Variants in CHD8 observed in about 807,000 individuals in gnomAD.
CHD8 encodes ATP-dependent chromatin remodeler CHD8.
CHD8 carries 31 observed loss-of-function variants against 279.2 expected under a neutral mutation model. The ratio of observed to expected loss-of-function variants is 0.11; its 90% CI spans 0.08 to 0.15. CHD8 has a LOEUF of 0.15. CHD8 is among the 10% of genes least tolerant of loss of function. The pLI, the probability that CHD8 is intolerant of heterozygous loss-of-function variation, is 1.00. For missense variants in CHD8, 2,146 were observed against 3,230.5 expected (o/e 0.66, Z 8.14); for synonymous variants, 1,081 against 1,139.6 (o/e 0.95, Z 1.04).
chr14:21,385,657 T>C lies in CHD8; in HGVS notation c.7702A>G (p.Met2568Val), dbSNP rs1241383648. ...CTGGAGTCTGAGTTAGCTGGCATCA[T>C]AGGATCATCAATGAGTGAGAAGTCC... The part of the protein sequence containing the change: ...ERDFSLIDDP[M>V]MPANSDSSED... Residue 2568 changes from methionine to valine, a missense_variant, in exon 38 of 38, where the codon ATG (methionine) becomes GTG (valine). Physicochemically the swap from Met to Val is conservative, Grantham distance 21. Around this residue, in one of 26 missense-constraint regions of CHD8, gnomAD observed 336 missense variants for 392.9 expected, o/e 0.86. Coordinates refer to ENST00000646647, the MANE Select transcript of CHD8 (RefSeq NM_001170629.2). 3 of 1,551,940 alleles carry C rather than the reference T, an allele frequency of 1.9e-6. No individual in the cohort carries two copies. Among genetic ancestry groups the C allele is most frequent in the South Asian group, 1.2e-5 (1 of 84,050 alleles).
intron 32 of CHD8, 33 bp downstream of exon 32, chr14:21,393,443 G>C: frequency 6.6e-7 from 1 of 1,521,146 alleles, no homozygotes; most frequent in Non-Finnish European, 8.8e-7. Context: ...GGGAAATAGG[G>C]AAGGGGGCCA....
chr14:21,405,517 C>A lies in CHD8; in HGVS notation c.3052-53G>T. 1 of 1,575,162 alleles carries A rather than the reference C, an allele frequency of 6.3e-7. No individual in the cohort carries two copies. Among genetic ancestry groups the A allele is most frequent in the Non-Finnish European group, 8.6e-7 (1 of 1,161,706 alleles). On this transcript the variant is annotated intron_variant, in intron 15 of 37. Coordinates refer to ENST00000646647, the MANE Select transcript of CHD8 (RefSeq NM_001170629.2). This position sits in a 1 kb window ranked among gnomAD's most constrained non-coding sequence, Gnocchi z 4.2. ...AATCAATAAGATGAGGGCGAACATT[C>A]TCACATTATGTAGAAACATGGAAAA...
At chr14:21,426,009 C>T (rs2139526489) in intron 5 of CHD8, 119 bp downstream of exon 5, 1 of 645,534 alleles carries the variant, frequency 1.5e-6, no homozygotes, top group East Asian at 2.8e-5. Context: ...TAGGCCTACG[C>T]CCAGTTTAGA....
Position 21,403,695 on chromosome 14 carries a change from T to C in CHD8, c.3308-32A>G, listed in dbSNP as rs1888130355. The C allele has an allele frequency of 4.6e-6, 7 of 1,515,238 alleles. No individual in the cohort carries two copies. The highest frequency in any genetic ancestry group is 2.0e-5 in the Admixed American group (1 of 51,258). The allele number at this position is 1,515,238 out of a possible 1,614,324, so 93.9% of individuals were successfully genotyped here. A position where few individuals can be genotyped will look rare whatever the true frequency, so the allele number is the denominator to read the frequency against. On this transcript the variant is annotated intron_variant, in intron 16 of 37. Coordinates refer to ENST00000646647, the MANE Select transcript of CHD8 (RefSeq NM_001170629.2). The surrounding 1 kb of genome is among the most constrained non-coding windows in gnomAD (Gnocchi z 4.3). ...AAAGAAAAATCAAATTATGTTGAGATCCAGTGAACCATATTAAGGTTGTAG... is the reference window on the plus strand; with the variant it reads ...AAAGAAAAATCAAATTATGTTGAGACCCAGTGAACCATATTAAGGTTGTAG...
chr14:21,399,764 T>C, intron 25 of CHD8, 59 bp from the exon 26 acceptor site: 1 of 1,225,180 alleles, frequency 8.2e-7, no homozygotes, highest in East Asian at 2.3e-5. Context: ...GTGAGAATCC[T>C]TGCAAAGGTT....
Position 21,428,099 on chromosome 14 carries a change from C to G in CHD8, c.1371G>C (p.Lys457Asn). 6.2e-7 allele frequency: 1 copy of G among 1,614,030 alleles called. No individual in the cohort carries two copies. ...CTACAATCCGATTTGCTTTCTCTTGCTTCTTCTGGTGTTCCAATCTGCGGT... is the reference window on the plus strand; with the variant it reads ...CTACAATCCGATTTGCTTTCTCTTGGTTCTTCTGGTGTTCCAATCTGCGGT... ...EENRRLEHQK[K>N]QEKANRIVAE... The change falls in exon 4 of 38, where the codon AAG (lysine) becomes AAC (asparagine). Residue 457 changes from lysine to asparagine, a missense_variant. Around this residue, in one of 26 missense-constraint regions of CHD8, gnomAD observed 170 missense variants for 189.9 expected, o/e 0.90. Transcript: ENST00000646647.
chr14:21,399,797 C>T (rs1887951591), intron 25 of CHD8, 92 bp from the exon 26 acceptor site: 1 of 1,020,926 alleles, frequency 9.8e-7, no homozygotes, highest in South Asian at 1.3e-5. Context: ...TTCCTGTATC[C>T]ATTAATTTAA....
chr14:21,412,863 A>T, intron 10 of CHD8, 50 bp downstream of exon 10: 1 of 1,153,988 alleles, frequency 8.7e-7, no homozygotes, highest in Non-Finnish European at 1.3e-6. Flanking sequence ...CAAACCCACC[A>T]GCAGAAATCT....
chr14:21,434,039 CTT>C (rs57822562), intron 1 of CHD8, among the ~76,000 whole-genome samples: 5 of 115,874 alleles, frequency 4.3e-5, no homozygotes, highest in African/African-American at 6.2e-5. Flanking sequence ...GTGAAAGTTT[CTT>C]TTTTTTTTTT....
In CHD8 at chr14:21,391,636, C is replaced by T; in HGVS notation, c.6892G>A (p.Val2298Met). Residue 2298 changes from valine to methionine, a missense_variant, in exon 36 of 38, where the codon GTG becomes ATG. Transcript: ENST00000646647. ...TGATTAGGCTCTTCCATGCACTCCA[C>T]CTCCAGCTGCAAACCCAGAATCCAC... ...GNRKKLVELE[V>M]ECMEEPNHLD... 6.3e-7 allele frequency: 1 copy of T among 1,590,238 alleles called. No individual in the cohort carries two copies. The highest frequency in any genetic ancestry group is 8.6e-7 in the Non-Finnish European group (1 of 1,167,968).
chr14:21,438,528 A>AG lies in CHD8; in HGVS notation c.-215-6671_-215-6670insC, dbSNP rs1555319599. The stretch of plus-strand genomic sequence containing the variant: ...CTAGTCTCTTAAAAAAAAAAAAAAA[A>AG]AAAGAAAGAAAGAAAAAAGAAAGAT... On this transcript the variant is annotated intron_variant, in intron 1 of 37. Transcript: ENST00000646647. Among the ~76,000 whole-genome samples, 60 of 150,206 alleles carry AG rather than the reference A, an allele frequency of 4.0e-4. 1 individual carries two copies. Among genetic ancestry groups the AG allele is most frequent in the African/African-American group, 1.4e-3 (57 of 40,718 alleles).
rs1030656559 is a variant in CHD8, at chr14:21,414,744, T to A, written c.2024+194A>T. 27 of 630,488 alleles carry A rather than the reference T, an allele frequency of 4.3e-5. No homozygotes were observed. In the East Asian group the frequency reaches 7.4e-4, roughly 17 times the overall value. The allele number at this position is 630,488 out of a possible 1,614,324, so 39.1% of individuals were successfully genotyped here. A position where few individuals can be genotyped will look rare whatever the true frequency, so the allele number is the denominator to read the frequency against. On this transcript the variant is annotated intron_variant, in intron 8 of 37. Coordinates refer to ENST00000646647, the MANE Select transcript of CHD8 (RefSeq NM_001170629.2). The stretch of plus-strand genomic sequence containing the variant: ...TTATCAGGAACCACCCTCACCCCAC[T>A]TACCTACAAGGAAATAATAAGAGTC...
At chr14:21,397,986 AGATTT>A in intron 26 of CHD8, 34 bp from the exon 27 acceptor site, 1 of 1,578,006 alleles carries the variant, frequency 6.3e-7, no homozygotes, top group African/African-American at 1.3e-5. Flanking sequence ...GAAGAAAATG[AGATTT>A]GTTTTGCCTT....
Position 21,391,061 on chromosome 14 carries a change from A to G in CHD8, c.7068T>C (p.Tyr2356=). The change falls in exon 37 of 38, where the codon TAT becomes TAC. Residue 2356 remains tyrosine, a splice_region_variant and synonymous_variant. Coordinates refer to ENST00000646647, the MANE Select transcript of CHD8 (RefSeq NM_001170629.2). ...EFAVDPRFLA[Y]MEDRRKQKWQ... is the part of the protein sequence containing the mutation. ...ACTTCTGTTTTCTGCGATCCTCCAT[A>G]TACTGCAATAGAAAAAATCAGTTAT... The G allele has an allele frequency of 6.5e-7, 1 of 1,546,408 alleles. No homozygotes were observed. The highest frequency in any genetic ancestry group is 1.9e-5 in the Admixed American group (1 of 53,204).
chr14:21,446,237 C>T (rs1010540376), intron 1 of CHD8, among the ~76,000 whole-genome samples: 20 of 151,808 alleles, frequency 1.3e-4, no homozygotes, highest in Non-Finnish European at 5.9e-5. Context: ...CTAGTAACAG[C>T]TAAAATTGCT....
At chr14:21,386,323 T>G in intron 37 of CHD8, 147 bp from the exon 38 acceptor site, 2 of 679,022 alleles carry the variant, frequency 2.9e-6, no homozygotes, top group Admixed American at 2.9e-5. Context: ...TAGGCTTGAT[T>G]GGTGGTAATG....
intron 13 of CHD8, among the ~76,000 whole-genome samples, chr14:21,407,348 C>T (rs567600681): frequency 9.5e-4 from 144 of 152,172 alleles, no homozygotes; most frequent in African/African-American, 3.3e-3. Context: ...ATGAAATCCA[C>T]AACTGCTGGA....
At chr14:21,422,745 C>T (rs1014507719) in intron 5 of CHD8, among the ~76,000 whole-genome samples, 5 of 151,824 alleles carry the variant, frequency 3.3e-5, no homozygotes, top group African/African-American at 2.4e-5. Context: ...CTGACCAACA[C>T]GGCGAAACCC....
chr14:21,389,140 A>G (rs1566407477), intron 37 of CHD8, among the ~76,000 whole-genome samples: 1 of 151,916 alleles, frequency 6.6e-6, no homozygotes, highest in Non-Finnish European at 1.5e-5. Flanking sequence ...TCTCTACTAA[A>G]AATACAGAAA....
Sources: allele counts gnomAD v4.1 joint callset (sites outside exome capture counted in the v4.1 genomes callset), GRCh38; gene constraint gnomAD v4.1.1; regional missense constraint gnomAD v4.1.1; non-coding constraint Gnocchi (gnomAD v3.1); transcripts MANE v1.5; gene names NCBI Gene and HGNC (gene_info 2026-07-23, HGNC 2026-07-21).